Variants in PANK4 observed in about 807,000 individuals in gnomAD.
PANK4 encodes the protein pantothenate kinase 4 (inactive), also known as 4'-phosphopantetheine phosphatase.
Under a neutral mutation model 87.9 loss-of-function variants are expected in PANK4, and 40 were observed. That is an observed-to-expected ratio of 0.46 (90% CI 0.35 to 0.59). The LOEUF (loss-of-function observed/expected upper bound fraction) is 0.59, where lower values mean the gene tolerates loss of function less well. PANK4 is among the 20% of genes least tolerant of loss of function. The pLI is 0.00. For missense variants in PANK4, 926 were observed against 1,072.3 expected, an observed-to-expected ratio of 0.86 and a Z score of 1.90; for synonymous variants, 524 against 467.4, an observed-to-expected ratio of 1.12 and a Z score of -1.56.
Position 2,510,810 on chromosome 1 carries a change from TG to T in PANK4, c.1834-29del. 1 of 1,343,030 alleles carries T rather than the reference TG, an allele frequency of 7.4e-7. No homozygotes were observed. Among genetic ancestry groups the T allele is most frequent in the Non-Finnish European group, 1.1e-6 (1 of 933,628 alleles). The allele number at this position is 1,343,030 out of a possible 1,614,324, so 83.2% of individuals were successfully genotyped here. On this transcript the variant is annotated intron_variant, in intron 15 of 18. Coordinates refer to ENST00000378466, the MANE Select transcript of PANK4 (RefSeq NM_018216.4). This position sits in a 1 kb window ranked among gnomAD's most constrained non-coding sequence, Gnocchi z 4.9. ...GTAAGACAAAACCAGGACGTTCAGT[TG>T]GGAACAGGCGCATCCAAGCGAGTCA...
chr1:2,516,016 C>G (rs1643767355), intron 9 of PANK4: 1 of 494,306 alleles, frequency 2.0e-6, no homozygotes, highest in African/African-American at 1.9e-5. Context: ...CAGTCACCCT[C>G]CCATCACCCC....
At chr1:2,512,012 G>C (rs1447116750) in intron 13 of PANK4, among the ~76,000 whole-genome samples, 1 of 152,322 alleles carries the variant, frequency 6.6e-6, no homozygotes, top group South Asian at 2.1e-4. Context: ...GGCTCAGGGG[G>C]CCACCAAGCA....
chr1:2,524,857 G>C (rs750470738), intron 1 of PANK4, among the ~76,000 whole-genome samples: 1 of 152,200 alleles, frequency 6.6e-6, no homozygotes, highest in South Asian at 2.1e-4. Flanking sequence ...GTCTCAGAAG[G>C]CTGGGAAGCA....
chr1:2,520,776 G>C lies in PANK4; in HGVS notation c.553C>G (p.His185Asp). 2 of 1,613,530 alleles carry C rather than the reference G, an allele frequency of 1.2e-6. No homozygotes were observed. The highest frequency in any genetic ancestry group is 1.7e-6 in the Non-Finnish European group (2 of 1,179,830). The change falls in exon 4 of 19, where the codon CAC becomes GAC. Residue 185 changes from histidine to aspartate, a missense_variant. By Grantham distance (81) the His-to-Asp change is moderately conservative. Coordinates refer to ENST00000378466, the MANE Select transcript of PANK4 (RefSeq NM_018216.4). This position sits in a 1 kb window ranked among gnomAD's most constrained non-coding sequence, Gnocchi z 6.2. ...PEFRFQTNHP[H>D]IFPYLLVNIG... ...TTGACAAGAAGATAGGGGAAAATGT[G>C]GGGGTGGTTGGTCTGGAACCGGAAC...
chr1:2,521,515 G>A (rs541418133), intron 2 of PANK4, 200 bp from the exon 3 acceptor site: 65 of 692,510 alleles, frequency 9.4e-5, no homozygotes, highest in African/African-American at 8.8e-4. Flanking sequence ...AGCCTCTCCC[G>A]GGGGAGCACA....
intron 1 of PANK4, among the ~76,000 whole-genome samples, chr1:2,523,978 CCT>C (rs935019984): frequency 1.1e-4 from 17 of 152,222 alleles, no homozygotes; most frequent in African/African-American, 4.1e-4. Context: ...TCTAGTTCTC[CCT>C]GTCCCACAGG....
chr1:2,517,875 C>A (rs538200783), intron 9 of PANK4, among the ~76,000 whole-genome samples: 18 of 152,244 alleles, frequency 1.2e-4, no homozygotes, highest in Non-Finnish European at 2.6e-4. Context: ...CCCGTCACCC[C>A]TGAACTTTAG....
At position 2,510,270 on chromosome 1, in the gene PANK4, C is replaced by G; in HGVS notation, c.1939-113G>C. 1 of 724,906 alleles carries G rather than the reference C, an allele frequency of 1.4e-6. No individual in the cohort carries two copies. The highest frequency in any genetic ancestry group is 1.7e-5 in the African/African-American group (1 of 57,482). The allele number at this position is 724,906 out of a possible 1,614,324, so 44.9% of individuals were successfully genotyped here. On this transcript the variant is annotated intron_variant, in intron 16 of 18. Transcript: ENST00000378466. The surrounding 1 kb of genome is among the most constrained non-coding windows in gnomAD (Gnocchi z 4.9). ...GGGTGAGGGTGCTGTGCCCAGCGGG[C>G]CTGGCCAGCCACCTGCTGCTGAGGA...
chr1:2,512,916 A>C lies in PANK4; in HGVS notation c.1699T>G (p.Phe567Val). 6.2e-7 allele frequency: 1 copy of C among 1,612,814 alleles called. No individual in the cohort carries two copies. Among genetic ancestry groups the C allele is most frequent in the Non-Finnish European group, 8.5e-7 (1 of 1,179,864 alleles). Residue 567 changes from phenylalanine to valine, a missense_variant, in exon 13 of 19, where the codon TTC becomes GTC. Phe to Val is a conservative substitution (Grantham distance 50). Transcript: ENST00000378466. ...LVKGLLAGNV[F>V]DWGAKAVSAV... ...GACACGGCTTTGGCCCCCCAGTCGA[A>C]GACATTCCCCGCCAGGAGGCCTTTC...
rs1643747633 is a variant in PANK4, at chr1:2,515,297, G to A, written c.1374+265C>T. 3.0e-6 allele frequency: 2 copies of A among 671,728 alleles called. No individual in the cohort carries two copies. The highest frequency in any genetic ancestry group is 2.7e-6 in the Non-Finnish European group (1 of 365,772). The allele number at this position is 671,728 out of a possible 1,614,324, so 41.6% of individuals were successfully genotyped here. On this transcript the variant is annotated intron_variant, in intron 10 of 18. Transcript: ENST00000378466. This position sits in a 1 kb window ranked among gnomAD's most constrained non-coding sequence, Gnocchi z 5.0. ...GACGTCTCCTAAATTGCTTTTTGAA[G>A]GAATGTGCTAGCTAGCAGAACTATC...
rs1034171745 is a variant in PANK4 at position 2,509,495 on chromosome 1, T to A, written c.2108+367A>T. ...GACAGCACCACATACAATTGACTAA[T>A]GACCTCCAGAACCACAGAAGCAGAG... is the stretch of plus-strand genomic sequence containing the variant. On this transcript the variant is annotated intron_variant, in intron 18 of 18. Coordinates refer to ENST00000378466, the MANE Select transcript of PANK4 (RefSeq NM_018216.4). The surrounding 1 kb of genome is among the most constrained non-coding windows in gnomAD (Gnocchi z 4.9). Among the ~76,000 whole-genome samples, 3 of 152,188 alleles carry A rather than the reference T, an allele frequency of 2.0e-5. No homozygotes were observed. Among genetic ancestry groups the A allele is most frequent in the African/African-American group, 7.2e-5 (3 of 41,452 alleles).
rs1643861641 is a variant in PANK4, at chr1:2,520,022, C to G, written c.700-68G>C. 2.1e-6 allele frequency: 3 copies of G among 1,449,484 alleles called. No individual in the cohort carries two copies. In the South Asian group the frequency reaches 4.0e-5, roughly 19 times the overall value. 89.8% of individuals were successfully genotyped at this position (1,449,484 alleles called of 1,614,324 possible). ...CTGGAATCCCCACGACCCCAGAAACCAAGCCCATGGCAGGAGGCACGCGCG... is the reference window on the plus strand; with the variant it reads ...CTGGAATCCCCACGACCCCAGAAACGAAGCCCATGGCAGGAGGCACGCGCG... On this transcript the variant is annotated intron_variant, in intron 5 of 18. Transcript: ENST00000378466. The surrounding 1 kb of genome is among the most constrained non-coding windows in gnomAD (Gnocchi z 6.2).
chr1:2,513,279 G>A (rs988126424), intron 12 of PANK4, among the ~76,000 whole-genome samples: 1 of 152,260 alleles, frequency 6.6e-6, no homozygotes, highest in South Asian at 2.1e-4. Flanking sequence ...AGTGGGTGAA[G>A]GGCAGGACAA....
chr1:2,516,230 C>T (rs749390487), intron 9 of PANK4, among the ~76,000 whole-genome samples: 4 of 152,136 alleles, frequency 2.6e-5, no homozygotes, highest in African/African-American at 9.7e-5. Context: ...CACTCCGTGC[C>T]GGGCAGGGAG....
In PANK4 at chr1:2,509,882, G is replaced by C; in HGVS notation, c.2088C>G (p.Ser696Arg). 1 of 1,612,126 alleles carries C rather than the reference G, an allele frequency of 6.2e-7. No homozygotes were observed. The highest frequency in any genetic ancestry group is 1.8e-4 in the Middle Eastern group (1 of 5,670). The change falls in exon 18 of 19, where the codon AGC becomes AGG. Residue 696 changes from serine to arginine, a missense_variant. Physicochemically the swap from Ser to Arg is moderately radical, Grantham distance 110 (BLOSUM62 -1). Transcript: ENST00000378466. The surrounding 1 kb of genome is among the most constrained non-coding windows in gnomAD (Gnocchi z 4.9). ...GTTACCTGAGGTCGAGGCACGGGGA[G>C]CTGGAGCCCGTCTGCACCAGCAGCA... is the stretch of plus-strand genomic sequence containing the variant. ...ERLLLVQTGS[S>R]SPCLDLSRLD...
chr1:2,521,465 T>C (rs1643874724), intron 2 of PANK4, 150 bp from the exon 3 acceptor site: 2 of 759,292 alleles, frequency 2.6e-6, no homozygotes, highest in South Asian at 3.1e-5. Context: ...GGGAGGAGCC[T>C]AGGACCGTGG....
Position 2,515,818 on chromosome 1 carries a change from C to G in PANK4, c.1219-101G>C. The stretch of plus-strand genomic sequence containing the variant: ...CTCTCTCTCTAAGAAGGGAGATGTA[C>G]TGCCTTCTTCCGCCACGTCTCTGGG... On this transcript the variant is annotated intron_variant, in intron 9 of 18. Transcript: ENST00000378466. The surrounding 1 kb of genome is among the most constrained non-coding windows in gnomAD (Gnocchi z 5.0). 5.1e-6 allele frequency: 6 copies of G among 1,171,494 alleles called. No homozygotes were observed. Among genetic ancestry groups the G allele is most frequent in the Non-Finnish European group, 7.3e-6 (6 of 821,802 alleles). 72.6% of individuals were successfully genotyped at this position (1,171,494 alleles called of 1,614,324 possible). A position where few individuals can be genotyped will look rare whatever the true frequency, so the allele number is the denominator to read the frequency against.
rs138275289 is a variant in PANK4 at position 2,520,946 on chromosome 1, C to T, written c.423-40G>A. On this transcript the variant is annotated intron_variant, in intron 3 of 18. Transcript: ENST00000378466. The surrounding 1 kb of genome is among the most constrained non-coding windows in gnomAD (Gnocchi z 6.2). ...CCAACCCCTTAAAGAGTCTGGGCCACAGACAGGTGCAACCATGCAAGCCTG... is the reference window on the plus strand; with the variant it reads ...CCAACCCCTTAAAGAGTCTGGGCCATAGACAGGTGCAACCATGCAAGCCTG... 28 of 1,535,684 alleles carry T rather than the reference C, an allele frequency of 1.8e-5. No homozygotes were observed. The East Asian group carries it at 5.0e-4, about 27-fold the overall frequency.
chr1:2,523,006 G>A (rs1017172409), intron 1 of PANK4, among the ~76,000 whole-genome samples: 1 of 150,800 alleles, frequency 6.6e-6, no homozygotes, highest in Non-Finnish European at 1.5e-5. Context: ...ACTTAACACA[G>A]TGCATTTCTT....
Sources: allele counts gnomAD v4.1 joint callset (sites outside exome capture counted in the v4.1 genomes callset), GRCh38; gene constraint gnomAD v4.1.1; non-coding constraint Gnocchi (gnomAD v3.1); transcripts MANE v1.5; gene names NCBI Gene and HGNC (gene_info 2026-07-23, HGNC 2026-07-21).